TOM1L2: variants seen among roughly 807,000 people sequenced by gnomAD.
TOM1L2 encodes the protein TOM1-like protein 2.
Under a neutral mutation model 67.9 loss-of-function variants are expected in TOM1L2, and 31 were observed. The observed-to-expected ratio is 0.46, with a 90% confidence interval of 0.34 to 0.62. The LOEUF is 0.62. Ranked by LOEUF, TOM1L2 falls within the 20% of genes least tolerant of loss-of-function variation. The probability of loss-of-function intolerance (pLI) is 0.01; values close to 1 mark genes in which losing one functional copy is unlikely to be tolerated. For synonymous variants in TOM1L2, 256 were observed against 254.0 expected (o/e 1.01, Z -0.07); for missense variants, 606 against 663.5 (o/e 0.91, Z 0.95).
intron 7 of TOM1L2, among the ~76,000 whole-genome samples, chr17:17,878,816 T>C (rs1264324562): frequency 6.6e-6 from 1 of 152,216 alleles, no homozygotes; most frequent in Non-Finnish European, 1.5e-5. Context: ...CTCCAGAAGG[T>C]CACTGCTTCT....
chr17:17,912,143 A>C (rs931969123), intron 1 of TOM1L2, among the ~76,000 whole-genome samples: 1 of 152,232 alleles, frequency 6.6e-6, no homozygotes, highest in Non-Finnish European at 1.5e-5. Context: ...CACTGTCATC[A>C]TGGCCGGTTC....
At chr17:17,884,881 G>A (rs2037916800) in intron 4 of TOM1L2, 113 bp from the exon 5 acceptor site, 2 of 1,391,074 alleles carry the variant, frequency 1.4e-6, no homozygotes, top group East Asian at 2.3e-5. Context: ...ACTTGCACAT[G>A]CAAATTGCAC....
In TOM1L2 at chr17:17,884,722, A is replaced by G. The variant is rs777529542; in HGVS notation, c.413T>C (p.Val138Ala). ...FRSSPDLTGV[V>A]HIYEELKRKG... ...CCTCTTCAGCTCCTCATATATGTGC[A>G]CAACGCCGGTGAGATCAGGACTGCT... Residue 138 changes from valine to alanine, a missense_variant, in exon 5 of 15, where the codon GTG (valine) becomes GCG (alanine). This residue lies in a region of TOM1L2 where 543 missense variants were observed against 554.0 expected (regional missense o/e 0.98). Transcript: ENST00000379504. The G allele has an allele frequency of 3.7e-6, 6 of 1,613,934 alleles. No homozygotes were observed. Among genetic ancestry groups the G allele is most frequent in the Non-Finnish European group, 5.1e-6 (6 of 1,180,036 alleles).
intron 1 of TOM1L2, among the ~76,000 whole-genome samples, chr17:17,909,920 T>C (rs962772632): frequency 2.0e-5 from 3 of 152,142 alleles, no homozygotes; most frequent in Non-Finnish European, 4.4e-5. Flanking sequence ...TCCTAACTAC[T>C]AATGAGGCTG....
intron 1 of TOM1L2, among the ~76,000 whole-genome samples, chr17:17,912,220 A>G (rs2039394842): frequency 1.3e-5 from 2 of 149,874 alleles, no homozygotes; most frequent in South Asian, 4.2e-4. Context: ...CTCACTTCCC[A>G]GTAGGGGCGG....
intron 1 of TOM1L2, among the ~76,000 whole-genome samples, chr17:17,952,185 C>T (rs1477922944): frequency 1.3e-5 from 2 of 152,044 alleles, no homozygotes; most frequent in Non-Finnish European, 2.9e-5. Flanking sequence ...ATGGAAAGGT[C>T]TCCAAAATGT....
At chr17:17,907,724 C>G (rs1442574679) in intron 1 of TOM1L2, among the ~76,000 whole-genome samples, 193 bp from the exon 2 acceptor site, 1 of 152,090 alleles carries the variant, frequency 6.6e-6, no homozygotes, top group African/African-American at 2.4e-5. Flanking sequence ...GATGTTATAA[C>G]GAGGTTCTTC....
Position 17,844,821 on chromosome 17 carries a change from A to C in TOM1L2, c.*2814T>G, listed in dbSNP as rs2035559225. 1 of 152,296 alleles carries C rather than the reference A, an allele frequency of 6.6e-6. No homozygotes were observed. The highest frequency in any genetic ancestry group is 6.5e-5 in the Admixed American group (1 of 15,292). The allele number at this position is 152,296 out of a possible 1,614,324, so 9.4% of individuals were successfully genotyped here. A position where few individuals can be genotyped will look rare whatever the true frequency, so the allele number is the denominator to read the frequency against. On this transcript the variant is annotated 3_prime_UTR_variant, in exon 15 of 15. Coordinates refer to ENST00000379504, the MANE Select transcript of TOM1L2 (RefSeq NM_001082968.2). ...CGCAGAAAGGGTTAAACACATTCCCAAGAAAATATTTTGACAAAATAAATA... is the reference window on the plus strand; with the variant it reads ...CGCAGAAAGGGTTAAACACATTCCCCAGAAAATATTTTGACAAAATAAATA...
chr17:17,966,334 A>G (rs1040188477), intron 1 of TOM1L2, among the ~76,000 whole-genome samples: 1 of 152,196 alleles, frequency 6.6e-6, no homozygotes, highest in Non-Finnish European at 1.5e-5. Context: ...GAATAAATAA[A>G]TGAACAAATT....
At chr17:17,943,677 G>C (rs1331611392) in intron 1 of TOM1L2, among the ~76,000 whole-genome samples, 1 of 152,092 alleles carries the variant, frequency 6.6e-6, no homozygotes, top group Non-Finnish European at 1.5e-5. Flanking sequence ...CACTGCCCCA[G>C]GTGGTCTGCA....
At chr17:17,912,211 T>C in intron 1 of TOM1L2, among the ~76,000 whole-genome samples, 1 of 151,194 alleles carries the variant, frequency 6.6e-6, no homozygotes, top group East Asian at 1.9e-4. Context: ...GAGGGGCTCC[T>C]CACTTCCCAG....
At chr17:17,905,511 T>C (rs2039051920) in intron 2 of TOM1L2, among the ~76,000 whole-genome samples, 1 of 152,236 alleles carries the variant, frequency 6.6e-6, no homozygotes, top group Non-Finnish European at 1.5e-5. Context: ...CCAGTATTAC[T>C]GTGATAACCT....
At position 17,863,649 on chromosome 17, in the gene TOM1L2, A is replaced by C. The variant is rs560897879; in HGVS notation, c.1085-801T>G. On this transcript the variant is annotated intron_variant, in intron 10 of 14. Transcript: ENST00000379504. ...ACTTTAGCCTTGACCTCCCGGGCTA[A>C]GTGATCCTCCCACCTTGGCCTCCCA... Among the ~76,000 whole-genome samples the C allele has an allele frequency of 2.0e-5, 3 of 151,412 alleles. No individual in the cohort carries two copies. The East Asian group carries it at 5.8e-4, about 29-fold the overall frequency.
chr17:17,908,213 A>G (rs1458124327), intron 1 of TOM1L2, among the ~76,000 whole-genome samples: 1 of 152,234 alleles, frequency 6.6e-6, no homozygotes, highest in African/African-American at 2.4e-5. Context: ...AAAGGACAGT[A>G]TTTTCAACAA....
At chr17:17,907,725 G>A (rs552118091) in intron 1 of TOM1L2, among the ~76,000 whole-genome samples, 194 bp from the exon 2 acceptor site, 5 of 152,190 alleles carry the variant, frequency 3.3e-5, no homozygotes, top group East Asian at 3.9e-4. Flanking sequence ...ATGTTATAAC[G>A]AGGTTCTTCA....
At chr17:17,952,643 C>T (rs2041260659) in intron 1 of TOM1L2, among the ~76,000 whole-genome samples, 1 of 151,974 alleles carries the variant, frequency 6.6e-6, no homozygotes. Context: ...GATCCTCCAG[C>T]CTCAGCCTCC....
chr17:17,946,290 C>T (rs190700789), intron 1 of TOM1L2, among the ~76,000 whole-genome samples: 1 of 152,146 alleles, frequency 6.6e-6, no homozygotes, highest in East Asian at 1.9e-4. Flanking sequence ...CAGAGTTGTG[C>T]AACCATCACC....
chr17:17,862,736 G>A lies in TOM1L2; in HGVS notation c.1197C>T (p.Arg399=). 1 of 1,613,136 alleles carries A rather than the reference G, an allele frequency of 6.2e-7. No individual in the cohort carries two copies. The highest frequency in any genetic ancestry group is 8.5e-7 in the Non-Finnish European group (1 of 1,179,950). The change falls in exon 11 of 15, where the codon CGC becomes CGT. Residue 399 remains arginine (R), a synonymous_variant. Transcript: ENST00000379504. ...CTAAAAGGGGCCCCACATACGTCTT[G>A]CGCTGCTCAGCCAAGGAGTTTCCTC... ...QTRGNSLAEQ[R]KTVTYEDPQA...
chr17:17,894,545 G>A (rs561396763), intron 3 of TOM1L2, among the ~76,000 whole-genome samples: 14 of 152,366 alleles, frequency 9.2e-5, no homozygotes, highest in African/African-American at 3.4e-4. Flanking sequence ...AATGGCCCAG[G>A]ACAGATCTTT....
Sources: allele counts gnomAD v4.1 joint callset (sites outside exome capture counted in the v4.1 genomes callset), GRCh38; gene constraint gnomAD v4.1.1; regional missense constraint gnomAD v4.1.1; transcripts MANE v1.5; gene names NCBI Gene and HGNC (gene_info 2026-07-23, HGNC 2026-07-21).